THAP2: variants seen among roughly 807,000 people sequenced by gnomAD.
THAP2 encodes THAP domain containing 2, also known as THAP domain-containing protein 2.
THAP2 carries 16 observed loss-of-function variants against 18.8 expected under a neutral mutation model. The ratio of observed to expected loss-of-function variants is 0.85; its 90% CI spans 0.58 to 1.29. The LOEUF (loss-of-function observed/expected upper bound fraction) is 1.29. Ranked by LOEUF, THAP2 falls within the 50% of genes most tolerant of loss-of-function variation. The pLI is 0.00. For synonymous variants in THAP2, 80 were observed against 89.2 expected (o/e 0.90, Z 0.58); for missense variants, 251 against 265.3 (o/e 0.95, Z 0.38).
chr12:71,671,642 T>TC (rs1229065987), intron 1 of THAP2, among the ~76,000 whole-genome samples: 3 of 152,242 alleles, frequency 2.0e-5, no homozygotes, highest in African/African-American at 7.2e-5. Context: ...CACCACTTTT[T>TC]CTGTAACAAT....
Position 71,674,264 on chromosome 12 carries a change from G to A in THAP2, c.133G>A (p.Val45Met). ...WVRLVRRKNF[V>M]PGKHTFLCSK... ...TCGCCTGGTTAGGCGCAAAAATTTT[G>A]TGCCAGGAAAACACACTTTTCTTTG... is the stretch of plus-strand genomic sequence containing the variant. Residue 45 changes from valine to methionine, a missense_variant, in exon 2 of 3, where the codon GTG (valine) becomes ATG (methionine). Physicochemically the swap from Val to Met is conservative, Grantham distance 21. Coordinates refer to ENST00000308086, the MANE Select transcript of THAP2 (RefSeq NM_031435.4). 6.2e-7 allele frequency: 1 copy of A among 1,611,916 alleles called. No individual in the cohort carries two copies. The highest frequency in any genetic ancestry group is 2.2e-5 in the East Asian group (1 of 44,822).
chr12:71,669,115 A>C (rs574413764), intron 1 of THAP2, among the ~76,000 whole-genome samples: 1 of 152,362 alleles, frequency 6.6e-6, no homozygotes, highest in Admixed American at 6.5e-5. Context: ...AAGTTCATTG[A>C]GTGCTTAACA....
intron 1 of THAP2, among the ~76,000 whole-genome samples, chr12:71,673,526 T>G (rs1030676286): frequency 2.0e-5 from 3 of 152,194 alleles, no homozygotes; most frequent in African/African-American, 7.2e-5. Context: ...AAGAGTTGAC[T>G]TTTTAAAAGT....
chr12:71,671,203 C>T (rs1161684617), intron 1 of THAP2, among the ~76,000 whole-genome samples: 1 of 152,168 alleles, frequency 6.6e-6, no homozygotes, highest in Non-Finnish European at 1.5e-5. Context: ...AAAAATGGTT[C>T]TATATTGCAC....
Position 71,664,488 on chromosome 12 carries a change from G to A in THAP2, c.-22G>A. Reference sequence around the variant, plus strand: ...AGCGCCTCAGTAGAGACCTAAGGGCGCTGAATGAGTGGGAAAGGGAAATGC... The same window carrying A: ...AGCGCCTCAGTAGAGACCTAAGGGCACTGAATGAGTGGGAAAGGGAAATGC... On this transcript the variant is annotated 5_prime_UTR_variant, in exon 1 of 3. Transcript: ENST00000308086. The A allele has an allele frequency of 6.2e-7, 1 of 1,614,110 alleles. No individual in the cohort carries two copies. Among genetic ancestry groups the A allele is most frequent in the South Asian group, 1.1e-5 (1 of 91,076 alleles).
In THAP2 at chr12:71,679,264, C is replaced by T. The variant is rs1358830089; in HGVS notation, c.*2156C>T. On this transcript the variant is annotated 3_prime_UTR_variant, in exon 3 of 3. Coordinates refer to ENST00000308086, the MANE Select transcript of THAP2 (RefSeq NM_031435.4). Reference sequence around the variant, plus strand: ...TACCTGACAGTATTAAACTACTACTCAATAATTTTAGAGTAAACTTTTCTG... The same window carrying T: ...TACCTGACAGTATTAAACTACTACTTAATAATTTTAGAGTAAACTTTTCTG... 1.3e-5 allele frequency: 2 copies of T among 152,156 alleles called. No homozygotes were observed. Among genetic ancestry groups the T allele is most frequent in the African/African-American group, 4.8e-5 (2 of 41,446 alleles). The allele number at this position is 152,156 out of a possible 1,614,324, so 9.4% of individuals were successfully genotyped here.
chr12:71,669,902 A>C (rs1422774713), intron 1 of THAP2, among the ~76,000 whole-genome samples: 1 of 149,762 alleles, frequency 6.7e-6, no homozygotes, highest in East Asian at 2.0e-4. Context: ...GGTTGCAGTG[A>C]GCTGAGATCC....
intron 1 of THAP2, among the ~76,000 whole-genome samples, chr12:71,670,981 A>T (rs901941152): frequency 4.0e-5 from 6 of 151,290 alleles, no homozygotes; most frequent in Admixed American, 4.0e-4. Flanking sequence ...TTTACTATTG[A>T]TTACGTGGAA....
chr12:71,676,598 G>A, intron 2 of THAP2, 91 bp from the exon 3 acceptor site: 2 of 1,361,816 alleles, frequency 1.5e-6, no homozygotes, highest in Non-Finnish European at 2.0e-6. Context: ...TAAAAGAGCA[G>A]TTTAAATACT....
intron 1 of THAP2, among the ~76,000 whole-genome samples, chr12:71,667,338 T>A (rs1881360778): frequency 6.6e-6 from 1 of 152,212 alleles, no homozygotes; most frequent in Admixed American, 6.5e-5. Context: ...ATCAGAATAA[T>A]TTCAGCTGTT....
rs777278483 is a variant in THAP2 at position 71,676,711 on chromosome 12, T to C, written c.290T>C (p.Leu97Ser). The change falls in exon 3 of 3, where the codon TTG (leucine) becomes TCG (serine). Residue 97 changes from leucine to serine, a missense_variant. Transcript: ENST00000308086. ...CAGAAACTCAAGTCAAGGAATCTTT[T>C]GAAGAAAAACAACAGTTGTTCTCCA... ...KSMKLKSRNL[L>S]KKNNSCSPAG... 1 of 1,579,208 alleles carries C rather than the reference T, an allele frequency of 6.3e-7. No homozygotes were observed. The highest frequency in any genetic ancestry group is 1.2e-5 in the South Asian group (1 of 84,946).
In THAP2 at chr12:71,664,403, C is replaced by CA. The variant is rs1406161917; in HGVS notation, c.-106dup. ...CACTCCGCTCTCACGACTAAGCTCT[C>CA]ACGATTAAGGCACGCCTGCCTCGAT... On this transcript the variant is annotated 5_prime_UTR_variant, in exon 1 of 3. Coordinates refer to ENST00000308086, the MANE Select transcript of THAP2 (RefSeq NM_031435.4). 1.3e-5 allele frequency: 18 copies of CA among 1,415,254 alleles called. No individual in the cohort carries two copies. Among genetic ancestry groups the CA allele is most frequent in the Admixed American group, 1.0e-4 (6 of 59,034 alleles). The allele number at this position is 1,415,254 out of a possible 1,614,324, so 87.7% of individuals were successfully genotyped here.
chr12:71,671,415 C>T (rs1197223997), intron 1 of THAP2, among the ~76,000 whole-genome samples: 1 of 152,192 alleles, frequency 6.6e-6, no homozygotes, highest in East Asian at 1.9e-4. Context: ...ATCAAGCTGT[C>T]TTCTGTTAAT....
intron 1 of THAP2, among the ~76,000 whole-genome samples, chr12:71,666,886 A>G (rs1207274854): frequency 6.6e-6 from 1 of 151,944 alleles, no homozygotes; most frequent in Non-Finnish European, 1.5e-5. Flanking sequence ...AGGCATGCCC[A>G]CATGCCTGGC....
At chr12:71,673,204 T>C (rs529230545) in intron 1 of THAP2, among the ~76,000 whole-genome samples, 3 of 152,316 alleles carry the variant, frequency 2.0e-5, no homozygotes, top group Admixed American at 2.0e-4. Context: ...AATAGACTAG[T>C]ATGTGTATAT....
intron 1 of THAP2, among the ~76,000 whole-genome samples, chr12:71,668,760 G>A (rs1174921647): frequency 6.6e-6 from 1 of 152,152 alleles, no homozygotes; most frequent in Admixed American, 6.5e-5. Flanking sequence ...ACTACTGAGT[G>A]ATTTTCCAAA....
intron 1 of THAP2, chr12:71,664,995 C>A (rs975938348): frequency 2.8e-6 from 2 of 702,080 alleles, no homozygotes; most frequent in Non-Finnish European, 2.6e-6. Context: ...ACATGGGAGG[C>A]ATTTAGATTT....
Position 71,664,356 on chromosome 12 carries a change from C to G in THAP2, c.-154C>G. The stretch of plus-strand genomic sequence containing the variant: ...GGCTGACCGTCCTTCGCCTCCGCCC[C>G]CACATACACACCCCTTCTTCCCACT... On this transcript the variant is annotated 5_prime_UTR_variant, in exon 1 of 3. Coordinates refer to ENST00000308086, the MANE Select transcript of THAP2 (RefSeq NM_031435.4). The G allele has an allele frequency of 1.2e-6, 1 of 818,420 alleles. No individual in the cohort carries two copies. The highest frequency in any genetic ancestry group is 2.0e-6 in the Non-Finnish European group (1 of 502,850). 50.7% of individuals were successfully genotyped at this position (818,420 alleles called of 1,614,324 possible). A position where few individuals can be genotyped will look rare whatever the true frequency, so the allele number is the denominator to read the frequency against.
chr12:71,667,167 T>C (rs1171934489), intron 1 of THAP2, among the ~76,000 whole-genome samples: 1 of 152,248 alleles, frequency 6.6e-6, no homozygotes, highest in Non-Finnish European at 1.5e-5. Flanking sequence ...AACATGACCT[T>C]AATGTCTCTC....
Sources: allele counts gnomAD v4.1 joint callset (sites outside exome capture counted in the v4.1 genomes callset), GRCh38; gene constraint gnomAD v4.1.1; transcripts MANE v1.5; gene names NCBI Gene and HGNC (gene_info 2026-07-23, HGNC 2026-07-21).